The following APOOL variants were observed in gnomAD, a reference collection of about 807,000 sequenced individuals.
APOOL encodes the protein MICOS complex subunit MIC27.
APOOL carries 12 observed loss-of-function variants against 23.1 expected under a neutral mutation model. The observed-to-expected ratio is 0.52, with a 90% CI of 0.33 to 0.84. The LOEUF is 0.84. APOOL is among the 40% of genes least tolerant of loss of function. The pLI is 0.02. For missense variants in APOOL, 212 were observed against 199.6 expected, an observed-to-expected ratio of 1.06 and a Z score of -0.37; for synonymous variants, 77 against 69.9, an observed-to-expected ratio of 1.10 and a Z score of -0.51.
intron 8 of APOOL, among the ~76,000 whole-genome samples, chrX:85,083,408 C>G (rs1045504026): frequency 9.0e-6 from 1 of 111,094 alleles, no homozygotes; most frequent in Non-Finnish European, 1.9e-5. Flanking sequence ...GACTTGGACT[C>G]TGTTAAAAAA....
At position 85,067,182 on chromosome X, in the gene APOOL, T is replaced by C; in HGVS notation, c.450T>C (p.Thr150=). Residue 150 remains threonine, a synonymous_variant, in exon 6 of 9, where the codon ACT becomes ACC. Coordinates refer to ENST00000373173, the MANE Select transcript of APOOL (RefSeq NM_198450.6). ...TGGGACTGGCCACTTTAGGAGCAAC[T>C]GTTTGCTACCCAGTTCAGTCCGTAA... ...YPLGLATLGA[T]VCYPVQSVII... is the part of the protein sequence containing the mutation. 4 of 1,161,467 alleles carry C rather than the reference T, an allele frequency of 3.4e-6. No individual in the cohort carries two copies. The highest frequency in any genetic ancestry group is 4.6e-6 in the Non-Finnish European group (4 of 868,187).
chrX:85,061,587 G>C (rs573775622), intron 5 of APOOL, among the ~76,000 whole-genome samples: 1 of 100,577 alleles, frequency 9.9e-6, no homozygotes, highest in Non-Finnish European at 2.0e-5. Flanking sequence ...CAGAGATTCA[G>C]CTTCTTCCTG....
chrX:85,051,453 A>C lies in APOOL; in HGVS notation c.185A>C (p.Gln62Pro), dbSNP rs1444419884. 1 of 1,211,243 alleles carries C rather than the reference A, an allele frequency of 8.3e-7. No individual in the cohort carries two copies. The highest frequency in any genetic ancestry group is 1.1e-6 in the Non-Finnish European group (1 of 895,163). Reference protein sequence around the residue: ...KYVEEQPGHLQMGFASIRTAT... With the variant: ...KYVEEQPGHLPMGFASIRTAT... ...GTTGAAGAGCAGCCTGGTCATTTAC[A>C]AATGGGCTTTGCTTCCATCCGCACT... The change falls in exon 3 of 9, where the codon CAA (glutamine) becomes CCA (proline). Residue 62 changes from glutamine (Q) to proline (P), a missense_variant. Transcript: ENST00000373173.
At position 85,093,056 on chromosome X, in the gene APOOL, G is replaced by A. The variant is rs1924576976; in HGVS notation, c.*5378G>A. 3.1e-5 allele frequency: 18 copies of A among 580,499 alleles called. No homozygotes were observed. The highest frequency in any genetic ancestry group is 4.5e-5 in the Non-Finnish European group (17 of 376,755). 47.8% of individuals were successfully genotyped at this position (580,499 alleles called of 1,213,427 possible). A position where few individuals can be genotyped will look rare whatever the true frequency, so the allele number is the denominator to read the frequency against. On this transcript the variant is annotated 3_prime_UTR_variant, in exon 9 of 9. Transcript: ENST00000373173. Reference sequence around the variant, plus strand: ...CTGATTTGAAAATCCAGTTTAATTTGGGTAGAAATTTGAAGTATATGTTGG... The same window carrying A: ...CTGATTTGAAAATCCAGTTTAATTTAGGTAGAAATTTGAAGTATATGTTGG...
intron 2 of APOOL, among the ~76,000 whole-genome samples, chrX:85,048,083 A>G (rs1273794424): frequency 1.8e-5 from 2 of 111,503 alleles, no homozygotes; most frequent in South Asian, 3.8e-4. Context: ...CTATAAGCCG[A>G]AGTGTAGGTC....
At chrX:85,004,383 C>G (rs1414306624) in intron 1 of APOOL, among the ~76,000 whole-genome samples, 1 of 112,121 alleles carries the variant, frequency 8.9e-6, no homozygotes, top group Non-Finnish European at 1.9e-5. Flanking sequence ...CATAGTCTTT[C>G]AGCAGTGCGC....
At position 85,093,083 on chromosome X, in the gene APOOL, G is replaced by A. The variant is rs1017812098; in HGVS notation, c.*5405G>A. 7.4e-6 allele frequency: 6 copies of A among 811,407 alleles called. No homozygotes were observed. In the East Asian group the frequency reaches 1.8e-4, roughly 24 times the overall value. The allele number at this position is 811,407 out of a possible 1,213,427, so 66.9% of individuals were successfully genotyped here. On this transcript the variant is annotated 3_prime_UTR_variant, in exon 9 of 9. Transcript: ENST00000373173. Reference sequence around the variant, plus strand: ...GTAGAAATTTGAAGTATATGTTGGGGTTATGTTCAAATGGTGAGATTAATG... The same window carrying A: ...GTAGAAATTTGAAGTATATGTTGGGATTATGTTCAAATGGTGAGATTAATG...
In APOOL at chrX:85,081,345, T is replaced by C. The variant is rs980353365; in HGVS notation, c.719-6245T>C. Among the ~76,000 whole-genome samples, 7 of 111,673 alleles carry C rather than the reference T, an allele frequency of 6.3e-5. No homozygotes were observed. The East Asian group carries it at 2.0e-3, about 32-fold the overall frequency. On this transcript the variant is annotated intron_variant, in intron 8 of 8. Transcript: ENST00000373173. ...AAGGATTTTATTTCTCCTTCACTTA[T>C]AAAGCTTAGTTTGGCTGGATATGAA... is the stretch of plus-strand genomic sequence containing the variant.
intron 5 of APOOL, among the ~76,000 whole-genome samples, chrX:85,066,639 G>T (rs1923468847): frequency 9.0e-6 from 1 of 110,802 alleles, no homozygotes; most frequent in Non-Finnish European, 1.9e-5. Context: ...AAGGAGTTAT[G>T]TACCTGTTAA....
intron 8 of APOOL, 35 bp downstream of exon 8, chrX:85,074,426 T>C (rs778551219): frequency 1.7e-6 from 2 of 1,187,755 alleles, no homozygotes; most frequent in South Asian, 3.6e-5. Flanking sequence ...GTTTTCATTC[T>C]TTTCTTAAAT....
At chrX:85,022,667 C>G (rs190316427) in intron 1 of APOOL, among the ~76,000 whole-genome samples, 1 of 110,744 alleles carries the variant, frequency 9.0e-6, no homozygotes, top group African/African-American at 3.3e-5. Flanking sequence ...AGCTTTTCCT[C>G]TAAGACCAAG....
At chrX:85,005,673 C>T (rs957432698) in intron 1 of APOOL, among the ~76,000 whole-genome samples, 30 of 110,516 alleles carry the variant, frequency 2.7e-4, no homozygotes, top group Middle Eastern at 4.2e-3. Flanking sequence ...ACATGTTCTA[C>T]ATGAATAAAG....
chrX:85,055,060 G>A (rs1357246984), intron 4 of APOOL, among the ~76,000 whole-genome samples: 1 of 111,681 alleles, frequency 9.0e-6, no homozygotes, highest in Non-Finnish European at 1.9e-5. Context: ...ATATGTATAG[G>A]AGATAGAAAG....
chrX:85,036,524 T>C (rs1402391767), intron 1 of APOOL, among the ~76,000 whole-genome samples: 1 of 110,856 alleles, frequency 9.0e-6, no homozygotes, highest in Non-Finnish European at 1.9e-5. Context: ...ATGAAAAGAG[T>C]GCACATCCTT....
rs1924395653 is a variant in APOOL at position 85,088,109 on chromosome X, C to CATATATGTATACATACATATTTATACAT, written c.*442_*443insCATACATATTTATACATATATATGTATA. On this transcript the variant is annotated 3_prime_UTR_variant, in exon 9 of 9. Transcript: ENST00000373173. ...GTATAAATACATATACATATTTATA[C>CATATATGTATACATACATATTTATACAT]ATATATGTATAAATACATACATATT... 1 of 4,389 alleles carries CATATATGTATACATACATATTTATACAT rather than the reference C, an allele frequency of 2.3e-4. No individual in the cohort carries two copies. Among genetic ancestry groups the CATATATGTATACATACATATTTATACAT allele is most frequent in the African/African-American group, 7.8e-4 (1 of 1,288 alleles). The allele number at this position is 4,389 out of a possible 1,213,427, so 0.4% of individuals were successfully genotyped here.
chrX:85,089,875 C>T lies in APOOL; in HGVS notation c.*2197C>T. On this transcript the variant is annotated 3_prime_UTR_variant, in exon 9 of 9. Coordinates refer to ENST00000373173, the MANE Select transcript of APOOL (RefSeq NM_198450.6). ...GTAATAGCCTTCAGGCTAATTTGCT[C>T]ACTGTCAATCTTGCTGTCTCTCATT... 9.1e-6 allele frequency: 1 copy of T among 109,449 alleles called. No homozygotes were observed. Among genetic ancestry groups the T allele is most frequent in the Admixed American group, 9.9e-5 (1 of 10,112 alleles). The allele number at this position is 109,449 out of a possible 1,213,427, so 9.0% of individuals were successfully genotyped here. A position where few individuals can be genotyped will look rare whatever the true frequency, so the allele number is the denominator to read the frequency against.
At chrX:85,070,147 A>T (rs2147659759) in intron 6 of APOOL, among the ~76,000 whole-genome samples, 1 of 111,684 alleles carries the variant, frequency 9.0e-6, no homozygotes, top group East Asian at 2.8e-4. Flanking sequence ...CATTTATAAT[A>T]AATTAAAAAA....
intron 1 of APOOL, among the ~76,000 whole-genome samples, chrX:85,024,353 A>G (rs1266394227): frequency 8.9e-6 from 1 of 112,186 alleles, no homozygotes; most frequent in Non-Finnish European, 1.9e-5. Context: ...AGTGATGACT[A>G]GTATTTGTGG....
chrX:85,048,018 C>G lies in APOOL; in HGVS notation c.120+1468C>G, dbSNP rs901451389. Among the ~76,000 whole-genome samples the G allele has an allele frequency of 2.7e-5, 3 of 111,411 alleles. No homozygotes were observed. The Admixed American group carries it at 2.9e-4, about 11-fold the overall frequency. On this transcript the variant is annotated intron_variant, in intron 2 of 8. Transcript: ENST00000373173. ...GCTATTGTAATCAGTACTTGTTGAA[C>G]CACTTTGTATTGAATCTATATATAC...
Sources: allele counts gnomAD v4.1 joint callset (sites outside exome capture counted in the v4.1 genomes callset), GRCh38; gene constraint gnomAD v4.1.1; transcripts MANE v1.5; gene names NCBI Gene and HGNC (gene_info 2026-07-23, HGNC 2026-07-21).